ZMYM3: variants seen among roughly 807,000 people sequenced by gnomAD.
ZMYM3 encodes zinc finger MYM-type protein 3.
Under a neutral mutation model 94.2 loss-of-function variants are expected in ZMYM3, and 6 were observed. The ratio of observed to expected loss-of-function variants is 0.06; its 90% CI spans 0.03 to 0.13. The LOEUF (loss-of-function observed/expected upper bound fraction) is 0.13, where lower values mean the gene tolerates loss of function less well. Among genes scored for constraint, ZMYM3 ranks in the 10% least tolerant of loss-of-function variants. The pLI, the probability that ZMYM3 is intolerant of heterozygous loss-of-function variation, is 1.00. For missense variants in ZMYM3, 664 were observed against 1,132.6 expected, an observed-to-expected ratio of 0.59 and a Z score of 5.94; for synonymous variants, 420 against 426.5, an observed-to-expected ratio of 0.98 and a Z score of 0.19.
intron 1 of ZMYM3, among the ~76,000 whole-genome samples, chrX:71,253,712 T>A (rs2030621518): frequency 1.4e-5 from 1 of 70,335 alleles, no homozygotes; most frequent in African/African-American, 5.6e-5. Flanking sequence ...CCCCAGTCTT[T>A]ACCCACCCTG....
Position 71,242,271 on chromosome X carries a change from G to A in ZMYM3, c.3701C>T (p.Thr1234Ile), listed in dbSNP as rs1179414099. 2.5e-6 allele frequency: 3 copies of A among 1,210,984 alleles called. No individual in the cohort carries two copies. Among genetic ancestry groups the A allele is most frequent in the Non-Finnish European group, 3.4e-6 (3 of 895,033 alleles). The stretch of plus-strand genomic sequence containing the variant: ...CTTGCGGGACTGCCGCACCACATTG[G>A]TGAAGGAGAGTTGCATGTGTTCCTC... The part of the protein sequence containing the change: ...TAEEHMQLSF[T>I]NVVRQSRKCT... The change falls in exon 23 of 25, where the codon ACC becomes ATC. Residue 1234 changes from threonine to isoleucine, a missense_variant. Coordinates refer to ENST00000314425, the MANE Select transcript of ZMYM3 (RefSeq NM_201599.3).
In ZMYM3 at chrX:71,250,746, G is replaced by T; in HGVS notation, c.779-20C>A. The T allele has an allele frequency of 8.6e-7, 1 of 1,168,386 alleles. No individual in the cohort carries two copies. The highest frequency in any genetic ancestry group is 1.1e-6 in the Non-Finnish European group (1 of 870,449). On this transcript the variant is annotated intron_variant, in intron 4 of 24. Transcript: ENST00000314425. ...CTGGAACTGAGAAAGTGGGGGGATG[G>T]ACATGAGAAAGGCCACCAAACCAGG...
Position 71,247,800 on chromosome X carries a change from C to T in ZMYM3, c.2082G>A (p.Leu694=). The T allele has an allele frequency of 8.3e-7, 1 of 1,211,958 alleles. No individual in the cohort carries two copies. Among genetic ancestry groups the T allele is most frequent in the Non-Finnish European group, 1.1e-6 (1 of 895,474 alleles). Residue 694 remains leucine, a synonymous_variant, in exon 12 of 25, where the codon CTG becomes CTA. Transcript: ENST00000314425. ...TGCAGAAGTCCCAGGTGCTGCCATCCAGTTGCTCGGTGACTCCGCGCTGGC... is the reference window on the plus strand; with the variant it reads ...TGCAGAAGTCCCAGGTGCTGCCATCTAGTTGCTCGGTGACTCCGCGCTGGC... The part of the protein sequence containing the change: ...QTCQRGVTEQ[L]DGSTWDFCSE...
chrX:71,242,477 C>A, intron 22 of ZMYM3, 53 bp from the exon 23 acceptor site: 1 of 1,183,571 alleles, frequency 8.4e-7, no homozygotes. Context: ...TACCCAAACC[C>A]AACCACTTCC....
intron 12 of ZMYM3, 70 bp from the exon 13 acceptor site, chrX:71,247,580 T>C: frequency 1.7e-6 from 2 of 1,157,249 alleles, no homozygotes; most frequent in East Asian, 6.1e-5. Context: ...TCCCCCGGGA[T>C]AAGCCATGCT....
At chrX:71,250,771 G>C in intron 4 of ZMYM3, 45 bp from the exon 5 acceptor site, 1 of 1,111,666 alleles carries the variant, frequency 9.0e-7, no homozygotes. Flanking sequence ...ACCAAACCAG[G>C]TCTCCAACCA....
Position 71,240,086 on chromosome X carries a change from C to T in ZMYM3, c.*830G>A, listed in dbSNP as rs1569219760. ...GAAGGTAGTTTTTGCCTTGGGAGGT[C>T]TGTCCATTGAACTAAAGGGAGGCAG... On this transcript the variant is annotated 3_prime_UTR_variant, in exon 25 of 25. Coordinates refer to ENST00000314425, the MANE Select transcript of ZMYM3 (RefSeq NM_201599.3). 8.9e-6 allele frequency: 1 copy of T among 111,978 alleles called. No individual in the cohort carries two copies. Among genetic ancestry groups the T allele is most frequent in the East Asian group, 2.8e-4 (1 of 3,532 alleles). The allele number at this position is 111,978 out of a possible 1,213,427, so 9.2% of individuals were successfully genotyped here. A position where few individuals can be genotyped will look rare whatever the true frequency, so the allele number is the denominator to read the frequency against.
At position 71,250,733 on chromosome X, in the gene ZMYM3, A is replaced by G. The variant is rs1331983767; in HGVS notation, c.779-7T>C. 1 of 1,180,904 alleles carries G rather than the reference A, an allele frequency of 8.5e-7. No individual in the cohort carries two copies. Among genetic ancestry groups the G allele is most frequent in the Non-Finnish European group, 1.1e-6 (1 of 877,218 alleles). ...TCCTCATCTGACACTGGAACTGAGA[A>G]AGTGGGGGGATGGACATGAGAAAGG... is the stretch of plus-strand genomic sequence containing the variant. On this transcript the variant is annotated splice_region_variant and splice_polypyrimidine_tract_variant and intron_variant, in intron 4 of 24. Transcript: ENST00000314425.
chrX:71,241,308 G>A lies in ZMYM3; in HGVS notation c.3839C>T (p.Ala1280Val). The A allele has an allele frequency of 8.3e-7, 1 of 1,206,304 alleles. No homozygotes were observed. Among genetic ancestry groups the A allele is most frequent in the Non-Finnish European group, 1.1e-6 (1 of 892,417 alleles). ...GTTCTCACGCTGCTCTAAGATAGGG[G>A]CTTCATCTTCTCTCTTCCGTTTTCC... ...GPGKRKREDE[A>V]PILEQRENRM... The change falls in exon 24 of 25, where the codon GCC (alanine) becomes GTC (valine). Residue 1280 changes from alanine to valine, a missense_variant. Ala to Val is a moderately conservative substitution (Grantham distance 64). Transcript: ENST00000314425.
At position 71,250,542 on chromosome X, in the gene ZMYM3, C is replaced by T. The variant is rs1420911224; in HGVS notation, c.963G>A (p.Gly321=). 2 of 1,211,310 alleles carry T rather than the reference C, an allele frequency of 1.7e-6. No homozygotes were observed. Among genetic ancestry groups the T allele is most frequent in the Non-Finnish European group, 2.2e-6 (2 of 895,152 alleles). The change falls in exon 5 of 25, where the codon GGG becomes GGA. Residue 321 remains glycine (G), a synonymous_variant. Transcript: ENST00000314425. ...GCCCCTTGCGCTGATAGGCAGTCTG[C>T]CCCTTCTGCAGTGGTGTCCGGCAAT... ...CAHCRTPLQK[G]QTAYQRKGLP... is the part of the protein sequence containing the mutation.
rs2029932583 is a variant in ZMYM3 at position 71,241,310 on chromosome X, T to G, written c.3837A>C (p.Glu1279Asp). 1 of 1,203,875 alleles carries G rather than the reference T, an allele frequency of 8.3e-7. No individual in the cohort carries two copies. The highest frequency in any genetic ancestry group is 1.8e-5 in the South Asian group (1 of 55,742). ...TGPGKRKRED[E>D]APILEQRENR... The stretch of plus-strand genomic sequence containing the variant: ...TCTCACGCTGCTCTAAGATAGGGGC[T>G]TCATCTTCTCTCTTCCGTTTTCCAG... Residue 1279 changes from glutamate (E) to aspartate (D), a missense_variant, in exon 24 of 25, where the codon GAA becomes GAC. Coordinates refer to ENST00000314425, the MANE Select transcript of ZMYM3 (RefSeq NM_201599.3).
At chrX:71,255,092 CTCTCT>C, upstream of ZMYM3, 2 of 27,715 alleles carry the variant, frequency 7.2e-5, no homozygotes, top group South Asian at 6.6e-3. Context: ...TGATCTCTCT[CTCTCT>C]CTCTCTCTCT....
chrX:71,251,633 T>C, intron 2 of ZMYM3, 32 bp from the exon 3 acceptor site: 3 of 1,169,533 alleles, frequency 2.6e-6, no homozygotes, highest in Non-Finnish European at 3.4e-6. Flanking sequence ...GCCTAAATGT[T>C]GAGCCTGCCC....
chrX:71,246,301 C>T, intron 15 of ZMYM3, 52 bp downstream of exon 15: 1 of 1,203,339 alleles, frequency 8.3e-7, no homozygotes, highest in Non-Finnish European at 1.1e-6. Context: ...ATAGGGCTGG[C>T]AGGCCTAGGA....
In ZMYM3 at chrX:71,242,469, C is replaced by A. The variant is rs201856604; in HGVS notation, c.3548-45G>T. Reference sequence around the variant, plus strand: ...GAGGCCAGTCAGGAGGGAGTGGCTACCCAAACCCAACCACTTCCCATCCCA... The same window carrying A: ...GAGGCCAGTCAGGAGGGAGTGGCTAACCAAACCCAACCACTTCCCATCCCA... On this transcript the variant is annotated intron_variant, in intron 22 of 24. Coordinates refer to ENST00000314425, the MANE Select transcript of ZMYM3 (RefSeq NM_201599.3). 1.1e-3 allele frequency: 1,312 copies of A among 1,192,662 alleles called. 11 individuals carry two copies. The South Asian group carries it at 0.023, about 21-fold the overall frequency.
Position 71,246,453 on chromosome X carries a change from T to TGGGGTG in ZMYM3, c.2471_2472insCACCCC (p.Pro824_Ala825insThrPro). The TGGGGTG allele has an allele frequency of 1.2e-5, 1 of 85,528 alleles. No homozygotes were observed. 7.0% of individuals were successfully genotyped at this position (85,528 alleles called of 1,213,427 possible). On this transcript the variant is annotated inframe_insertion, in exon 15 of 25. Transcript: ENST00000314425. ...CAGCCTTGTTTTTGCGGGGTGTTGC[T>TGGGGTG]GGGGGTGGTGGGGGTGGAGGGGTGG...
Position 71,253,088 on chromosome X carries a change from G to A in ZMYM3, c.168C>T (p.Ala56=). Residue 56 remains alanine, a synonymous_variant, in exon 2 of 25, where the codon GCC becomes GCT. Transcript: ENST00000314425. ...CAGCAGGGGTATCAAGCAGGTCCAG[G>A]GCTCCCGAGGATGGAGAAGGGCCAG... The part of the protein sequence containing the change: ...APPGPSPSSG[A]LDLLDTPAGL... The A allele has an allele frequency of 1.0e-5, 12 of 1,201,592 alleles. No homozygotes were observed. Among genetic ancestry groups the A allele is most frequent in the Non-Finnish European group, 1.2e-5 (11 of 890,252 alleles).
In ZMYM3 at chrX:71,246,010, C is replaced by T. The variant is rs750006813; in HGVS notation, c.2661G>A (p.Pro887=). Residue 887 remains proline, a synonymous_variant, in exon 16 of 25, where the codon CCG becomes CCA. Coordinates refer to ENST00000314425, the MANE Select transcript of ZMYM3 (RefSeq NM_201599.3). ...VPMHLYCQKV[P]VPFSMPIPVP... ...CCGGGATAGGCATCGAGAAAGGCAC[C>T]GGGACTTTCTGGCAGTACAGATGCA... is the stretch of plus-strand genomic sequence containing the variant. 6.6e-6 allele frequency: 8 copies of T among 1,208,522 alleles called. No individual in the cohort carries two copies. The highest frequency in any genetic ancestry group is 5.3e-5 in the South Asian group (3 of 56,534).
At chrX:71,243,216 G>T (rs182743226) in intron 21 of ZMYM3, 132 bp from the exon 22 acceptor site, 1 of 524,023 alleles carries the variant, frequency 1.9e-6, no homozygotes, top group Admixed American at 3.4e-5. Context: ...TGATTAGGTG[G>T]CCTCGAGTGC....
Sources: gnomAD v4.1 joint callset for allele counts (sites outside exome capture counted in the v4.1 genomes callset) on GRCh38, gnomAD v4.1.1 for gene constraint, MANE v1.5 for transcripts, NCBI Gene and HGNC (gene_info 2026-07-23, HGNC 2026-07-21) for gene names.